Variants in TTI1 observed in about 807,000 individuals in gnomAD.
TTI1 encodes TELO2 interacting protein 1.
TTI1 carries 52 observed loss-of-function variants against 85.4 expected under a neutral mutation model. The observed-to-expected ratio is 0.61, with a 90% CI of 0.49 to 0.77. The LOEUF (loss-of-function observed/expected upper bound fraction) is 0.77. Ranked by LOEUF, TTI1 falls within the 30% of genes least tolerant of loss-of-function variation. The pLI, the probability that TTI1 is intolerant of heterozygous loss-of-function variation, is 0.00. For synonymous variants in TTI1, 512 were observed against 503.9 expected, an observed-to-expected ratio of 1.02 and a Z score of -0.22; for missense variants, 1,173 against 1,296.0, an observed-to-expected ratio of 0.91 and a Z score of 1.46.
In TTI1 at chr20:38,004,790, A is replaced by C. The variant is rs976732282; in HGVS notation, c.2503+1407T>G. Among the ~76,000 whole-genome samples the C allele has an allele frequency of 1.4e-4, 21 of 152,230 alleles. 1 individual carries two copies. Among genetic ancestry groups the C allele is most frequent in the Non-Finnish European group, 1.5e-5 (1 of 68,038 alleles). ...GAAGATCCTAATCATGAAGGAATGG[A>C]TTCACTGACAGTGCTCAAATTTTAA... On this transcript the variant is annotated intron_variant, in intron 3 of 7. Coordinates refer to ENST00000373447, the MANE Select transcript of TTI1 (RefSeq NM_001303457.2).
intron 7 of TTI1, among the ~76,000 whole-genome samples, chr20:37,984,820 T>A: frequency 6.6e-6 from 1 of 152,196 alleles, no homozygotes; most frequent in Non-Finnish European, 1.5e-5. Flanking sequence ...GGTTGCTGTA[T>A]CTCGGGCACC....
chr20:37,983,440 T>C lies in TTI1; in HGVS notation c.*16A>G. On this transcript the variant is annotated 3_prime_UTR_variant, in exon 8 of 8. Coordinates refer to ENST00000373447, the MANE Select transcript of TTI1 (RefSeq NM_001303457.2). ...GTAGGGGAGGGATCGGTGGCCTCTG[T>C]GGTGGGGGAGCAGGGTCACTGCAGC... The C allele has an allele frequency of 6.2e-7, 1 of 1,607,090 alleles. No individual in the cohort carries two copies. The highest frequency in any genetic ancestry group is 1.1e-5 in the South Asian group (1 of 90,644).
chr20:38,018,809 G>C (rs1240133277), intron 1 of TTI1, among the ~76,000 whole-genome samples: 1 of 150,820 alleles, frequency 6.6e-6, no homozygotes, highest in Non-Finnish European at 1.5e-5. Flanking sequence ...CTATGGACTA[G>C]GGAACCAACT....
chr20:37,994,530 T>C (rs2073312614), intron 7 of TTI1, among the ~76,000 whole-genome samples: 1 of 140,020 alleles, frequency 7.1e-6, no homozygotes, highest in Non-Finnish European at 1.5e-5. Flanking sequence ...TTTCCTATTG[T>C]CTCAGGCTTC....
In TTI1 at chr20:38,006,499, A is replaced by T; in HGVS notation, c.2303-102T>A. ...CTGCCCTGGCCTGCACAGCCCCCAC[A>T]TGATTCAGTCCCTGCCTGGCTCCCC... On this transcript the variant is annotated intron_variant, in intron 2 of 7. Transcript: ENST00000373447. 4 of 1,312,940 alleles carry T rather than the reference A, an allele frequency of 3.0e-6. No homozygotes were observed. In the South Asian group the frequency reaches 3.8e-5, roughly 12 times the overall value. The allele number at this position is 1,312,940 out of a possible 1,614,324, so 81.3% of individuals were successfully genotyped here.
intron 4 of TTI1, among the ~76,000 whole-genome samples, chr20:38,002,192 T>C (rs890244333): frequency 3.3e-5 from 5 of 152,198 alleles, no homozygotes; most frequent in Non-Finnish European, 2.9e-5. Context: ...ATGGGGGTGC[T>C]GCTTGGCAAA....
At position 38,012,958 on chromosome 20, in the gene TTI1, AC is replaced by A. The variant is rs2062510264; in HGVS notation, c.858del (p.Lys286AsnfsTer2). On this transcript the variant is annotated frameshift_variant, in exon 2 of 8. Coordinates refer to ENST00000373447, the MANE Select transcript of TTI1 (RefSeq NM_001303457.2). LOFTEE classifies it high-confidence loss of function. ...ATTATCTTTTTAATAAGGATAGTCAACTTGTCGCCAGTCTTTTTTACCCAAT... is the reference window on the plus strand; with the variant it reads ...ATTATCTTTTTAATAAGGATAGTCAATTGTCGCCAGTCTTTTTTACCCAAT... The part of the protein sequence containing the change: ...EADWVKKTGD[K>X]LTILIKKIIE... 2.5e-6 allele frequency: 4 copies of A among 1,614,114 alleles called. No individual in the cohort carries two copies. Among genetic ancestry groups the A allele is most frequent in the Non-Finnish European group, 3.4e-6 (4 of 1,180,040 alleles).
chr20:37,994,990 C>T (rs949970250), intron 7 of TTI1, among the ~76,000 whole-genome samples: 8 of 152,254 alleles, frequency 5.3e-5, no homozygotes, highest in Middle Eastern at 3.4e-3. Context: ...GAAAATCAGA[C>T]CTTTAACTCT....
intron 1 of TTI1, among the ~76,000 whole-genome samples, chr20:38,029,563 T>TGAGC (rs2073878855): frequency 7.1e-6 from 1 of 140,066 alleles, no homozygotes; most frequent in Non-Finnish European, 1.5e-5. Context: ...AGGGAGTGAG[T>TGAGC]GAGCAAGAGA....
At chr20:38,005,997 C>T in intron 3 of TTI1, 200 bp downstream of exon 3, 2 of 600,724 alleles carry the variant, frequency 3.3e-6, no homozygotes, top group East Asian at 3.2e-5. Context: ...AAAGGGTACA[C>T]AGCTGCAACC....
Position 38,011,894 on chromosome 20 carries a change from T to C in TTI1, c.1923A>G (p.Leu641=). The C allele has an allele frequency of 6.2e-7, 1 of 1,614,248 alleles. No individual in the cohort carries two copies. Among genetic ancestry groups the C allele is most frequent in the Non-Finnish European group, 8.5e-7 (1 of 1,180,040 alleles). The change falls in exon 2 of 8, where the codon CTA becomes CTG. Residue 641 remains leucine (L), a synonymous_variant. Transcript: ENST00000373447. ...LEGIGQFAYA[L]GKDFCLLLMS... Reference sequence around the variant, plus strand: ...TCAAGAGCAAACAGAAGTCTTTTCCTAGTGCATATGCAAACTGGCCAATTC... The same window carrying C: ...TCAAGAGCAAACAGAAGTCTTTTCCCAGTGCATATGCAAACTGGCCAATTC...
intron 1 of TTI1, among the ~76,000 whole-genome samples, chr20:38,015,466 G>C (rs2073669228): frequency 6.6e-6 from 1 of 152,164 alleles, no homozygotes; most frequent in African/African-American, 2.4e-5. Flanking sequence ...TGATGAACCA[G>C]AGGCTGCTTT....
intron 3 of TTI1, 93 bp downstream of exon 3, chr20:38,006,104 T>G (rs1311167160): frequency 6.9e-7 from 1 of 1,450,206 alleles, no homozygotes; most frequent in Non-Finnish European, 9.5e-7. Context: ...GTAACTTTTC[T>G]TATTTCTACC....
chr20:38,020,324 ATATATATATATATAT>A (rs1487896310), intron 1 of TTI1, among the ~76,000 whole-genome samples: 4 of 45,814 alleles, frequency 8.7e-5, no homozygotes, highest in East Asian at 4.5e-4. Flanking sequence ...AAAAAAAAAA[ATATATATATATATAT>A]ATATATATAT....
Position 38,008,418 on chromosome 20 carries a change from G to A in TTI1, c.2303-2021C>T, listed in dbSNP as rs149795526. The stretch of plus-strand genomic sequence containing the variant: ...GTTAAATACACTATGGTGCAGACGC[G>A]TGATGGAATACTATGCAGCCATAAA... On this transcript the variant is annotated intron_variant, in intron 2 of 7. Transcript: ENST00000373447. Among the ~76,000 whole-genome samples, 1,226 of 152,296 alleles carry A rather than the reference G, an allele frequency of 8.1e-3. 6 individuals carry two copies. The highest frequency in any genetic ancestry group is 0.023 in the African/African-American group (954 of 41,558).
chr20:38,006,282 A>G lies in TTI1; in HGVS notation c.2418T>C (p.Ala806=). The part of the protein sequence containing the change: ...PAALEKSTTT[A]EDIEQFLLNY... ...TCAGCAAAAACTGTTCGATGTCTTC[A>G]GCTGTGGTGGTGCTCTTCTCAAGAG... The change falls in exon 3 of 8, where the codon GCT becomes GCC. Residue 806 remains alanine (A), a synonymous_variant. Coordinates refer to ENST00000373447, the MANE Select transcript of TTI1 (RefSeq NM_001303457.2). 5 of 1,614,186 alleles carry G rather than the reference A, an allele frequency of 3.1e-6. No individual in the cohort carries two copies. Among genetic ancestry groups the G allele is most frequent in the Non-Finnish European group, 4.2e-6 (5 of 1,180,024 alleles).
At chr20:38,010,669 G>C (rs2073572002) in intron 2 of TTI1, among the ~76,000 whole-genome samples, 1 of 151,664 alleles carries the variant, frequency 6.6e-6, no homozygotes, top group Admixed American at 6.6e-5. Flanking sequence ...GTAGAGACGG[G>C]GTTTCACCAT....
At position 38,002,620 on chromosome 20, in the gene TTI1, G is replaced by A. The variant is rs769937115; in HGVS notation, c.2652+8C>T. 4 of 1,613,814 alleles carry A rather than the reference G, an allele frequency of 2.5e-6. No individual in the cohort carries two copies. Among genetic ancestry groups the A allele is most frequent in the African/African-American group, 2.7e-5 (2 of 74,932 alleles). Reference sequence around the variant, plus strand: ...TCTGGGAATGCAGAGAAGCAGCTGCGCACTGACCTTCAGGCGGATTTGCAG... The same window carrying A: ...TCTGGGAATGCAGAGAAGCAGCTGCACACTGACCTTCAGGCGGATTTGCAG... On this transcript the variant is annotated splice_region_variant and intron_variant, in intron 4 of 7. Transcript: ENST00000373447.
intron 4 of TTI1, among the ~76,000 whole-genome samples, chr20:37,999,630 G>A (rs2073392612): frequency 6.6e-6 from 1 of 152,190 alleles, no homozygotes; most frequent in Non-Finnish European, 1.5e-5. Flanking sequence ...GCAAAGAAAC[G>A]AGGGGAAGGA....
Sources: allele counts gnomAD v4.1 joint callset (sites outside exome capture counted in the v4.1 genomes callset), GRCh38; gene constraint gnomAD v4.1.1; transcripts MANE v1.5; gene names NCBI Gene and HGNC (gene_info 2026-07-23, HGNC 2026-07-21).